The following MYO9A variants were observed in gnomAD, a reference collection of about 807,000 sequenced individuals.
MYO9A encodes myosin IXA.
MYO9A carries 103 observed loss-of-function variants against 293.3 expected under a neutral mutation model. That is an observed-to-expected ratio of 0.35 (90% CI 0.30 to 0.41). The LOEUF (loss-of-function observed/expected upper bound fraction) is 0.41. Among genes scored for constraint, MYO9A ranks in the 10% least tolerant of loss-of-function variants. The pLI is 1.00. For missense variants in MYO9A, 2,685 were observed against 3,033.0 expected (o/e 0.89, Z 2.69); for synonymous variants, 1,001 against 1,035.7 (o/e 0.97, Z 0.64).
At chr15:72,079,236 A>G (rs2079465291) in intron 1 of MYO9A, among the ~76,000 whole-genome samples, 1 of 152,124 alleles carries the variant, frequency 6.6e-6, no homozygotes. Flanking sequence ...ATATCCGGAA[A>G]CTCCGTATTT....
intron 15 of MYO9A, among the ~76,000 whole-genome samples, chr15:71,948,507 T>C (rs535112816): frequency 1.6e-4 from 25 of 152,298 alleles, no homozygotes; most frequent in East Asian, 7.7e-4. Context: ...TAAAGCTTTA[T>C]TGGAACACAG....
At position 71,830,313 on chromosome 15, in the gene MYO9A, T is replaced by C. The variant is rs761434402; in HGVS notation, c.6838-2A>G. 1.2e-6 allele frequency: 2 copies of C among 1,612,976 alleles called. No homozygotes were observed. The highest frequency in any genetic ancestry group is 1.7e-6 in the Non-Finnish European group (2 of 1,179,818). On this transcript the variant is annotated splice_acceptor_variant, in intron 39 of 41. Coordinates refer to ENST00000356056, the MANE Select transcript of MYO9A (RefSeq NM_006901.4). LOFTEE classifies it high-confidence loss of function. ...TCCTCGACGAATACGCCCCTTTCCC[T>C]GCAGAGAAAAATTCATGTTAGAAAG... is the stretch of plus-strand genomic sequence containing the variant.
chr15:71,991,047 ATGACTCAAAGATATG>A (rs1307827208), intron 11 of MYO9A, 41 bp downstream of exon 11: 2 of 1,383,608 alleles, frequency 1.4e-6, no homozygotes, highest in Non-Finnish European at 1.9e-6. Flanking sequence ...TATTATGAAT[ATGACTCAAAGATATG>A]TGTGATGGGG....
chr15:72,086,776 G>GT (rs918400600), intron 1 of MYO9A, among the ~76,000 whole-genome samples: 2 of 151,482 alleles, frequency 1.3e-5, no homozygotes, highest in African/African-American at 4.8e-5. Context: ...TGTTGTTGTT[G>GT]TTTTTTTTGA....
At chr15:72,053,541 A>AACT (rs1566989125) in intron 1 of MYO9A, among the ~76,000 whole-genome samples, 1 of 152,240 alleles carries the variant, frequency 6.6e-6, no homozygotes, top group African/African-American at 2.4e-5. Context: ...CCATTATCCT[A>AACT]AGCAAACTAA....
chr15:71,868,578 C>T (rs1245450841), intron 32 of MYO9A, among the ~76,000 whole-genome samples: 2 of 152,170 alleles, frequency 1.3e-5, no homozygotes, highest in African/African-American at 4.8e-5. Flanking sequence ...AACCAGGTGA[C>T]AAGAACCTTG....
chr15:72,035,829 C>T lies in MYO9A; in HGVS notation c.841-3241G>A, dbSNP rs116155190. On this transcript the variant is annotated intron_variant, in intron 2 of 41. Coordinates refer to ENST00000356056, the MANE Select transcript of MYO9A (RefSeq NM_006901.4). ...TCAAAAAAATAAAAAACTTTACATA[C>T]TATAGGACTCTATGTATATGACATT... is the stretch of plus-strand genomic sequence containing the variant. Among the ~76,000 whole-genome samples, 1,500 of 152,136 alleles carry T rather than the reference C, an allele frequency of 9.9e-3. 26 individuals carry two copies. Among genetic ancestry groups the T allele is most frequent in the African/African-American group, 0.034 (1,412 of 41,506 alleles).
At chr15:72,081,268 C>T (rs1596529739) in intron 1 of MYO9A, among the ~76,000 whole-genome samples, 1 of 152,088 alleles carries the variant, frequency 6.6e-6, no homozygotes, top group East Asian at 1.9e-4. Flanking sequence ...CTGACTGGTG[C>T]GAGGTGGCAT....
chr15:71,917,872 C>G (rs945012092), intron 18 of MYO9A, among the ~76,000 whole-genome samples: 1 of 151,952 alleles, frequency 6.6e-6, no homozygotes, highest in Non-Finnish European at 1.5e-5. Context: ...ACAATATAAA[C>G]ATTAATAAAA....
At chr15:72,092,825 G>A (rs968042114) in intron 1 of MYO9A, among the ~76,000 whole-genome samples, 42 of 151,644 alleles carry the variant, frequency 2.8e-4, no homozygotes, top group Admixed American at 2.4e-3. Flanking sequence ...CTAGCTTGCA[G>A]CCCAAACAAA....
At chr15:72,048,658 G>A (rs1305952211) in intron 1 of MYO9A, among the ~76,000 whole-genome samples, 1 of 151,854 alleles carries the variant, frequency 6.6e-6, no homozygotes, top group East Asian at 1.9e-4. Flanking sequence ...GTATCTGAAG[G>A]GCACATTACC....
chr15:72,101,854 C>A (rs1199452014), intron 1 of MYO9A, among the ~76,000 whole-genome samples: 1 of 149,416 alleles, frequency 6.7e-6, no homozygotes, highest in African/African-American at 2.5e-5. Flanking sequence ...CCGCCCCGTC[C>A]GGGAGGGAGG....
At chr15:71,941,548 TAAC>T (rs1218164290) in intron 15 of MYO9A, among the ~76,000 whole-genome samples, 2 of 152,180 alleles carry the variant, frequency 1.3e-5, no homozygotes, top group Admixed American at 1.3e-4. Context: ...TCAAATATTC[TAAC>T]AACATTTGTA....
chr15:71,925,718 A>T (rs1189058120), intron 18 of MYO9A, among the ~76,000 whole-genome samples: 1 of 152,178 alleles, frequency 6.6e-6, no homozygotes, highest in South Asian at 2.1e-4. Flanking sequence ...ACATCTTTTT[A>T]AAATCATGTG....
Position 71,900,057 on chromosome 15 carries a change from T to C in MYO9A, c.3151-51A>G, listed in dbSNP as rs75514603. 3.4e-6 allele frequency: 5 copies of C among 1,468,532 alleles called. No homozygotes were observed. The East Asian group carries it at 9.3e-5, about 27-fold the overall frequency. 91.0% of individuals were successfully genotyped at this position (1,468,532 alleles called of 1,614,324 possible). ...ACTGGTTGTCATATCTTACACTGCATTTTCACAGGAAAAAAAGAGAATAAA... is the reference window on the plus strand; with the variant it reads ...ACTGGTTGTCATATCTTACACTGCACTTTCACAGGAAAAAAAGAGAATAAA... On this transcript the variant is annotated intron_variant, in intron 23 of 41. Coordinates refer to ENST00000356056, the MANE Select transcript of MYO9A (RefSeq NM_006901.4).
At chr15:72,108,546 A>C (rs1303368084) in intron 1 of MYO9A, among the ~76,000 whole-genome samples, 1 of 152,200 alleles carries the variant, frequency 6.6e-6, no homozygotes, top group African/African-American at 2.4e-5. Context: ...GAGACTAAAA[A>C]GAGATAATCA....
chr15:71,931,372 T>C (rs74022482), intron 18 of MYO9A, among the ~76,000 whole-genome samples: 283 of 152,322 alleles, frequency 1.9e-3, no homozygotes, highest in African/African-American at 6.4e-3. Context: ...TTGCTGGGCA[T>C]AGTACTATGG....
chr15:72,024,690 G>C (rs1321281715), intron 4 of MYO9A, among the ~76,000 whole-genome samples: 7 of 152,120 alleles, frequency 4.6e-5, no homozygotes, highest in Admixed American at 4.6e-4. Flanking sequence ...ACAATTACAG[G>C]ACAAAGGAGC....
intron 1 of MYO9A, among the ~76,000 whole-genome samples, chr15:72,060,896 A>G (rs994227961): frequency 9.2e-5 from 14 of 152,080 alleles, no homozygotes; most frequent in Non-Finnish European, 1.5e-5. Flanking sequence ...CTCCCCCAGC[A>G]CCAGGCAGCA....
Sources: allele counts gnomAD v4.1 joint callset (sites outside exome capture counted in the v4.1 genomes callset), GRCh38; gene constraint gnomAD v4.1.1; transcripts MANE v1.5; gene names NCBI Gene and HGNC (gene_info 2026-07-23, HGNC 2026-07-21).